Variants in IGF2BP3 observed in about 807,000 individuals in gnomAD.
IGF2BP3 encodes the protein insulin like growth factor 2 mRNA binding protein 3.
In IGF2BP3, 9 loss-of-function variants were observed where a neutral mutation model predicts 73.8. That is an observed-to-expected ratio of 0.12 (90% confidence interval 0.07 to 0.21). IGF2BP3 has a LOEUF of 0.21. IGF2BP3 is among the 10% of genes least tolerant of loss of function. The probability of loss-of-function intolerance (pLI) is 1.00; values close to 1 mark genes in which losing one functional copy is unlikely to be tolerated. For missense variants in IGF2BP3, 542 were observed against 714.0 expected, an observed-to-expected ratio of 0.76 and a Z score of 2.75; for synonymous variants, 258 against 256.7, an observed-to-expected ratio of 1.01 and a Z score of -0.05.
rs568268985 is a variant in IGF2BP3 at position 23,417,434 on chromosome 7, G to A, written c.285+1342C>T. ...ACAAAAATTAAGAAAAGTTAGATAC[G>A]GCAAATACCCAGAATAAGGGAAAAT... On this transcript the variant is annotated intron_variant, in intron 3 of 14. Coordinates refer to ENST00000258729, the MANE Select transcript of IGF2BP3 (RefSeq NM_006547.3). 2.0e-5 allele frequency among the ~76,000 whole-genome samples: 3 copies of A among 152,098 alleles called. No homozygotes were observed. The South Asian group carries it at 6.3e-4, about 32-fold the overall frequency.
intron 6 of IGF2BP3, among the ~76,000 whole-genome samples, chr7:23,348,695 T>C (rs1784890619): frequency 6.6e-6 from 1 of 152,186 alleles, no homozygotes; most frequent in Non-Finnish European, 1.5e-5. Context: ...GCTAGTAGCA[T>C]GCCTCTCTCT....
At chr7:23,397,816 T>C (rs933019849) in intron 3 of IGF2BP3, among the ~76,000 whole-genome samples, 5 of 152,190 alleles carry the variant, frequency 3.3e-5, no homozygotes, top group Admixed American at 6.5e-5. Context: ...TACCTCCTAA[T>C]GCTTAAAAAC....
At position 23,312,343 on chromosome 7, in the gene IGF2BP3, T is replaced by TGG; in HGVS notation, c.*17_*18dup. ...TTTGGTTTGGCATCTGCCTCTGTGGTGGGCTGTTTCCTGAGCCTTTACTTC... is the reference window on the plus strand; with the variant it reads ...TTTGGTTTGGCATCTGCCTCTGTGGTGGGGGCTGTTTCCTGAGCCTTTACTTC... On this transcript the variant is annotated 3_prime_UTR_variant, in exon 15 of 15. Transcript: ENST00000258729. 6.4e-7 allele frequency: 1 copy of TGG among 1,566,662 alleles called. No individual in the cohort carries two copies. The highest frequency in any genetic ancestry group is 8.8e-7 in the Non-Finnish European group (1 of 1,138,234).
rs115146520 is a variant in IGF2BP3, at chr7:23,379,435, T to C, written c.286-17694A>G. ...CCCTCAGATGTGATTCCACTTCATG[T>C]TGTTTAGAAAATATTTGGGTACCAA... is the stretch of plus-strand genomic sequence containing the variant. On this transcript the variant is annotated intron_variant, in intron 3 of 14. Transcript: ENST00000258729. Among the ~76,000 whole-genome samples, 1,183 of 152,302 alleles carry C rather than the reference T, an allele frequency of 7.8e-3. 12 individuals carry two copies. The highest frequency in any genetic ancestry group is 0.027 in the African/African-American group (1,140 of 41,548).
Position 23,319,213 on chromosome 7 carries a change from T to C in IGF2BP3, c.1245A>G (p.Leu415=), listed in dbSNP as rs375754220. 5.9e-5 allele frequency: 95 copies of C among 1,613,826 alleles called. 2 individuals carry two copies. In the African/African-American group the frequency reaches 8.4e-4, roughly 14 times the overall value. ...TETVHLFIPA[L]SVGAIIGKQG... ...GCTTGCCGATGATGGCACCGACTGA[T>C]AGAGCTGGGATAAACAGATGAACAG... is the stretch of plus-strand genomic sequence containing the variant. Residue 415 remains leucine, a synonymous_variant, in exon 11 of 15, where the codon CTA becomes CTG. Coordinates refer to ENST00000258729, the MANE Select transcript of IGF2BP3 (RefSeq NM_006547.3).
rs1384123642 is a variant in IGF2BP3, at chr7:23,389,069, T to C, written c.286-27328A>G. ...CACTTTAAAGATGTGTTTATGTCCA[T>C]CATACTTCAATAAAGCTGTTTTTTA... On this transcript the variant is annotated intron_variant, in intron 3 of 14. Transcript: ENST00000258729. Among the ~76,000 whole-genome samples, 8 of 152,284 alleles carry C rather than the reference T, an allele frequency of 5.3e-5. No homozygotes were observed. The East Asian group carries it at 1.2e-3, about 22-fold the overall frequency.
At chr7:23,439,892 G>A (rs1036278134) in intron 2 of IGF2BP3, among the ~76,000 whole-genome samples, 9 of 152,230 alleles carry the variant, frequency 5.9e-5, no homozygotes, top group African/African-American at 9.6e-5. Flanking sequence ...ACCTGCCCTC[G>A]GGCTTTCTCT....
chr7:23,435,207 C>T (rs559543441), intron 2 of IGF2BP3, among the ~76,000 whole-genome samples: 3 of 139,402 alleles, frequency 2.2e-5, no homozygotes, highest in South Asian at 4.9e-4. Flanking sequence ...GCAGGAGAAT[C>T]GCTTGAACCC....
rs1268247916 is a variant in IGF2BP3, at chr7:23,386,577, C to G, written c.286-24836G>C. On this transcript the variant is annotated intron_variant, in intron 3 of 14. Coordinates refer to ENST00000258729, the MANE Select transcript of IGF2BP3 (RefSeq NM_006547.3). Reference sequence around the variant, plus strand: ...GCTCAGAGTACAAAATAAATATCCACAAGCCAAATGACTGAACAAATAGGG... The same window carrying G: ...GCTCAGAGTACAAAATAAATATCCAGAAGCCAAATGACTGAACAAATAGGG... Among the ~76,000 whole-genome samples, 7 of 152,296 alleles carry G rather than the reference C, an allele frequency of 4.6e-5. No homozygotes were observed. In the South Asian group the frequency reaches 1.5e-3, roughly 32 times the overall value.
chr7:23,451,254 C>T (rs1788189039), intron 2 of IGF2BP3, among the ~76,000 whole-genome samples: 1 of 151,996 alleles, frequency 6.6e-6, no homozygotes, highest in Non-Finnish European at 1.5e-5. Context: ...CTGGTCTCTA[C>T]TAAAAATACA....
At chr7:23,320,831 C>T (rs1326691839) in intron 10 of IGF2BP3, among the ~76,000 whole-genome samples, 1 of 150,782 alleles carries the variant, frequency 6.6e-6, no homozygotes, top group Non-Finnish European at 1.5e-5. Context: ...GCCTGTGGTC[C>T]CAGATACTCA....
chr7:23,409,895 G>A (rs990029125), intron 3 of IGF2BP3, among the ~76,000 whole-genome samples: 2 of 152,174 alleles, frequency 1.3e-5, no homozygotes, highest in African/African-American at 2.4e-5. Flanking sequence ...TTGGCCAGGT[G>A]CGATGGCTCA....
chr7:23,386,091 T>C (rs543022267), intron 3 of IGF2BP3, among the ~76,000 whole-genome samples: 9 of 152,296 alleles, frequency 5.9e-5, no homozygotes, highest in South Asian at 4.1e-4. Context: ...GAAAATGAGA[T>C]TGGCCTTAAG....
intron 3 of IGF2BP3, among the ~76,000 whole-genome samples, chr7:23,370,986 G>A (rs560624120): frequency 5.4e-4 from 82 of 152,068 alleles, no homozygotes; most frequent in African/African-American, 1.8e-3. Flanking sequence ...GCCAGTTCTA[G>A]GTGTCTTTAA....
intron 3 of IGF2BP3, among the ~76,000 whole-genome samples, chr7:23,392,545 T>C (rs1014700750): frequency 1.2e-4 from 18 of 150,156 alleles, no homozygotes; most frequent in African/African-American, 4.0e-4. Flanking sequence ...CACACACAAA[T>C]ATACAACTAT....
chr7:23,449,576 TGA>T (rs1481323809), intron 2 of IGF2BP3, among the ~76,000 whole-genome samples: 1 of 130,258 alleles, frequency 7.7e-6, no homozygotes, highest in East Asian at 2.1e-4. Flanking sequence ...TTTTTTTTTT[TGA>T]GAGAGTCTCA....
At chr7:23,462,584 G>A (rs181673134) in intron 2 of IGF2BP3, among the ~76,000 whole-genome samples, 1,523 of 152,128 alleles carry the variant, frequency 0.01, 11 homozygotes, top group Non-Finnish European at 0.015. Context: ...GGATGGTCTC[G>A]ATCTCCTGAC....
intron 3 of IGF2BP3, among the ~76,000 whole-genome samples, chr7:23,409,869 T>C (rs1368786198): frequency 6.6e-6 from 1 of 152,194 alleles, no homozygotes; most frequent in Non-Finnish European, 1.5e-5. Context: ...CTGAACTTCA[T>C]TAAAATTTAA....
At chr7:23,345,476 G>T (rs1583913420) in intron 8 of IGF2BP3, among the ~76,000 whole-genome samples, 1 of 152,200 alleles carries the variant, frequency 6.6e-6, no homozygotes, top group Non-Finnish European at 1.5e-5. Flanking sequence ...AGGAACTGAG[G>T]CCTTCTGCCA....
Sources: gnomAD v4.1 joint callset for allele counts (sites outside exome capture counted in the v4.1 genomes callset) on GRCh38, gnomAD v4.1.1 for gene constraint, MANE v1.5 for transcripts, NCBI Gene and HGNC (gene_info 2026-07-23, HGNC 2026-07-21) for gene names.